Variants in AMPH observed in about 807,000 individuals in gnomAD.
AMPH encodes the protein amphiphysin (Stiff-Mann syndrome with breast cancer 128kD autoantigen).
AMPH carries 49 observed loss-of-function variants against 99.1 expected under a neutral mutation model. That is an observed-to-expected ratio of 0.49 (90% CI 0.39 to 0.63). AMPH has a LOEUF of 0.63. Ranked by LOEUF, AMPH falls within the 20% of genes least tolerant of loss-of-function variation. The pLI is 0.00. For missense variants in AMPH, 759 were observed against 863.4 expected, an observed-to-expected ratio of 0.88 and a Z score of 1.52; for synonymous variants, 314 against 317.3, an observed-to-expected ratio of 0.99 and a Z score of 0.11.
At chr7:38,614,230 T>C (rs903226557) in intron 1 of AMPH, among the ~76,000 whole-genome samples, 2 of 152,220 alleles carry the variant, frequency 1.3e-5, no homozygotes, top group Non-Finnish European at 2.9e-5. Context: ...GGAATTTTAT[T>C]ACTAAATGAA....
chr7:38,433,028 G>A (rs569506531), intron 12 of AMPH, among the ~76,000 whole-genome samples: 5 of 152,308 alleles, frequency 3.3e-5, no homozygotes, highest in African/African-American at 9.6e-5. Flanking sequence ...AGCCACATCC[G>A]ATTATGCCCA....
At chr7:38,386,459 A>G (rs1035125777) in intron 20 of AMPH, among the ~76,000 whole-genome samples, 10 of 152,214 alleles carry the variant, frequency 6.6e-5, no homozygotes, top group Non-Finnish European at 1.5e-4. Context: ...CAACACATAT[A>G]ATCTGAAAGA....
In AMPH at chr7:38,535,020, C is replaced by T; in HGVS notation, c.70-9G>A. 1.9e-6 allele frequency: 3 copies of T among 1,608,546 alleles called. No individual in the cohort carries two copies. The highest frequency in any genetic ancestry group is 2.6e-6 in the Non-Finnish European group (3 of 1,175,334). On this transcript the variant is annotated splice_polypyrimidine_tract_variant and intron_variant, in intron 1 of 20. Transcript: ENST00000356264. ...CCCAGCTTTTGGAGGACCTAATTTGCAAATAAAACAAAATGGTTTAATTTA... is the reference window on the plus strand; with the variant it reads ...CCCAGCTTTTGGAGGACCTAATTTGTAAATAAAACAAAATGGTTTAATTTA...
intron 1 of AMPH, among the ~76,000 whole-genome samples, chr7:38,600,710 C>CCTACCTGGTTGT (rs1793215905): frequency 6.6e-6 from 1 of 152,208 alleles, no homozygotes; most frequent in South Asian, 2.1e-4. Flanking sequence ...AGAGACAACT[C>CCTACCTGGTTGT]CTACCTGGTT....
intron 1 of AMPH, among the ~76,000 whole-genome samples, chr7:38,571,611 AG>A (rs1792042237): frequency 6.8e-6 from 1 of 147,582 alleles, no homozygotes; most frequent in African/African-American, 2.5e-5. Flanking sequence ...AAGGATATAA[AG>A]AAAGAAAATA....
At chr7:38,390,054 C>A in intron 19 of AMPH, 149 bp from the exon 20 acceptor site, 1 of 633,512 alleles carries the variant, frequency 1.6e-6, no homozygotes, top group Non-Finnish European at 2.8e-6. Context: ...GAAGGGAAGT[C>A]CTATTCTCTG....
chr7:38,520,380 G>A (rs1258622130), intron 2 of AMPH, among the ~76,000 whole-genome samples: 2 of 152,148 alleles, frequency 1.3e-5, no homozygotes, highest in Admixed American at 6.5e-5. Context: ...TTTTTAAAAA[G>A]AGGGCTTTGA....
At chr7:38,624,669 A>AT (rs984460634) in intron 1 of AMPH, among the ~76,000 whole-genome samples, 16 of 151,772 alleles carry the variant, frequency 1.1e-4, no homozygotes, top group East Asian at 3.8e-4. Context: ...GATGGGCAAA[A>AT]AAATAAATAA....
chr7:38,396,351 GT>G (rs1286963957), intron 17 of AMPH, among the ~76,000 whole-genome samples: 8 of 152,158 alleles, frequency 5.3e-5, no homozygotes, highest in Admixed American at 5.2e-4. Flanking sequence ...CACAAGCTCT[GT>G]TTTTGCCTGC....
intron 1 of AMPH, among the ~76,000 whole-genome samples, chr7:38,564,941 G>A (rs1407483806): frequency 5.3e-5 from 8 of 152,114 alleles, no homozygotes; most frequent in Non-Finnish European, 8.8e-5. Context: ...TGGCTAACAC[G>A]GTGAAACCCT....
intron 15 of AMPH, among the ~76,000 whole-genome samples, chr7:38,424,627 G>A (rs1785716961): frequency 6.6e-6 from 1 of 151,480 alleles, no homozygotes; most frequent in Non-Finnish European, 1.5e-5. Flanking sequence ...GAAGTGTTAT[G>A]GAATGAGAGA....
intron 1 of AMPH, among the ~76,000 whole-genome samples, chr7:38,603,378 A>C (rs1483690960): frequency 1.3e-5 from 2 of 152,084 alleles, no homozygotes; most frequent in Admixed American, 1.3e-4. Flanking sequence ...AAAATATCAC[A>C]TAAAAATCAC....
intron 1 of AMPH, among the ~76,000 whole-genome samples, chr7:38,540,235 G>A (rs1269442237): frequency 2.6e-5 from 4 of 152,172 alleles, no homozygotes; most frequent in Non-Finnish European, 5.9e-5. Flanking sequence ...ACATTGACAC[G>A]TTAGTATTTT....
At chr7:38,521,142 C>T (rs963349725) in intron 2 of AMPH, among the ~76,000 whole-genome samples, 2 of 152,270 alleles carry the variant, frequency 1.3e-5, no homozygotes, top group East Asian at 3.9e-4. Flanking sequence ...GTAGAATTTG[C>T]TCCAAGTCAT....
At chr7:38,458,639 G>C (rs1223793243) in intron 11 of AMPH, among the ~76,000 whole-genome samples, 1 of 152,094 alleles carries the variant, frequency 6.6e-6, no homozygotes, top group Non-Finnish European at 1.5e-5. Flanking sequence ...TTGAGAAAAA[G>C]CATTTGATAA....
intron 2 of AMPH, among the ~76,000 whole-genome samples, chr7:38,529,834 C>G (rs1790325832): frequency 6.6e-6 from 1 of 152,214 alleles, no homozygotes. Flanking sequence ...CTAGGCCTAT[C>G]TGCTCAAGCA....
chr7:38,412,869 G>A (rs1439866146), intron 17 of AMPH, among the ~76,000 whole-genome samples: 1 of 152,182 alleles, frequency 6.6e-6, no homozygotes, highest in Non-Finnish European at 1.5e-5. Context: ...GTATGAAGGT[G>A]CCTGGAAAAG....
intron 3 of AMPH, among the ~76,000 whole-genome samples, chr7:38,495,203 A>T (rs558115370): frequency 1.3e-5 from 2 of 152,334 alleles, no homozygotes; most frequent in East Asian, 3.9e-4. Context: ...AGGCTAATTC[A>T]TATAAATAAG....
At chr7:38,481,907 C>T (rs781492252) in intron 5 of AMPH, among the ~76,000 whole-genome samples, 1 of 152,072 alleles carries the variant, frequency 6.6e-6, no homozygotes, top group Non-Finnish European at 1.5e-5. Flanking sequence ...TCCATCATAG[C>T]TCATTCATTA....
Sources: allele counts gnomAD v4.1 joint callset (sites outside exome capture counted in the v4.1 genomes callset), GRCh38; gene constraint gnomAD v4.1.1; transcripts MANE v1.5; gene names NCBI Gene and HGNC (gene_info 2026-07-23, HGNC 2026-07-21).